Variants in VPS13B observed in about 807,000 individuals in gnomAD.
The protein encoded by VPS13B is intermembrane lipid transfer protein VPS13B.
VPS13B carries 285 observed loss-of-function variants against 426.4 expected under a neutral mutation model. That is an observed-to-expected ratio of 0.67 (90% CI 0.61 to 0.74). The LOEUF (loss-of-function observed/expected upper bound fraction) is 0.74. VPS13B is among the 30% of genes least tolerant of loss of function. The probability of loss-of-function intolerance (pLI) is 0.00; values close to 1 mark genes in which losing one functional copy is unlikely to be tolerated. For missense variants in VPS13B, 4,537 were observed against 4,782.6 expected (o/e 0.95, Z 1.51); for synonymous variants, 1,676 against 1,676.4 (o/e 1.00, Z 0.01).
chr8:99,567,479 G>GTTT (rs200194869), intron 31 of VPS13B, among the ~76,000 whole-genome samples: 53 of 131,884 alleles, frequency 4.0e-4, no homozygotes, highest in East Asian at 3.6e-3. Flanking sequence ...TTTTGTTGGT[G>GTTT]TTTTTTTTTT....
intron 19 of VPS13B, among the ~76,000 whole-genome samples, chr8:99,350,007 A>G (rs1341325754): frequency 2.6e-5 from 4 of 152,184 alleles, no homozygotes; most frequent in Admixed American, 6.5e-5. Flanking sequence ...CACAGAAGAG[A>G]GATACATCAG....
chr8:99,363,288 T>C (rs1488753759), intron 19 of VPS13B, among the ~76,000 whole-genome samples: 2 of 152,222 alleles, frequency 1.3e-5, no homozygotes, highest in African/African-American at 4.8e-5. Context: ...ATATGTGTTC[T>C]TGGCACCGTT....
At chr8:99,280,824 C>T (rs1022792372) in intron 19 of VPS13B, among the ~76,000 whole-genome samples, 2 of 152,140 alleles carry the variant, frequency 1.3e-5, no homozygotes, top group Non-Finnish European at 1.5e-5. Flanking sequence ...TGAAATATAC[C>T]TGACAACACA....
At position 99,861,817 on chromosome 8, in the gene VPS13B, C is replaced by T. The variant is rs147891367; in HGVS notation, c.11086C>T (p.Arg3696Trp). ...SITNLATSLA[R>W]NMDRLSLDEE... Reference sequence around the variant, plus strand: ...CACCAACCTCGCCACAAGCCTGGCCCGGAACATGGACCGGCTCTCACTGGA... The same window carrying T: ...CACCAACCTCGCCACAAGCCTGGCCTGGAACATGGACCGGCTCTCACTGGA... The change falls in exon 58 of 62, where the codon CGG becomes TGG. Residue 3696 changes from arginine to tryptophan, a missense_variant. Around this residue, in one of 2 missense-constraint regions of VPS13B, gnomAD observed 4,311 missense variants for 4,474.3 expected, o/e 0.96. Transcript: ENST00000357162. 7.5e-6 allele frequency: 12 copies of T among 1,598,706 alleles called. No individual in the cohort carries two copies. The highest frequency in any genetic ancestry group is 2.7e-5 in the African/African-American group (2 of 74,764).
At chr8:99,176,823 C>T (rs1812657986) in intron 16 of VPS13B, among the ~76,000 whole-genome samples, 1 of 152,108 alleles carries the variant, frequency 6.6e-6, no homozygotes, top group Non-Finnish European at 1.5e-5. Context: ...TATGTGACAA[C>T]TTAAAGCAAA....
intron 2 of VPS13B, among the ~76,000 whole-genome samples, chr8:99,029,316 C>A (rs2132183996): frequency 6.6e-6 from 1 of 151,358 alleles, no homozygotes; most frequent in Non-Finnish European, 1.5e-5. Flanking sequence ...GCAGAGGGCT[C>A]CTCACATCCC....
At chr8:99,621,470 A>T (rs995258172) in intron 33 of VPS13B, among the ~76,000 whole-genome samples, 1 of 151,954 alleles carries the variant, frequency 6.6e-6, no homozygotes, top group African/African-American at 2.4e-5. Flanking sequence ...CTCTGTTTTG[A>T]CCCTAGCACT....
At chr8:99,538,458 A>G (rs1823377912) in intron 30 of VPS13B, among the ~76,000 whole-genome samples, 1 of 152,086 alleles carries the variant, frequency 6.6e-6, no homozygotes, top group African/African-American at 2.4e-5. Flanking sequence ...AGCACTTGAC[A>G]ATTTGACAAT....
At chr8:99,521,320 G>T (rs542959050) in intron 30 of VPS13B, among the ~76,000 whole-genome samples, 1 of 152,240 alleles carries the variant, frequency 6.6e-6, no homozygotes, top group Non-Finnish European at 1.5e-5. Flanking sequence ...AGAAAACGAG[G>T]TCCTCTGTAG....
chr8:99,821,522 C>T lies in VPS13B; in HGVS notation c.9183+40C>T, dbSNP rs541561172. The stretch of plus-strand genomic sequence containing the variant: ...TATGTGGCTGGGAGGAAATAGCATG[C>T]CATCCCCTTAACCTGTCTAAAATGA... On this transcript the variant is annotated intron_variant, in intron 50 of 61. Transcript: ENST00000357162. 12 of 1,608,564 alleles carry T rather than the reference C, an allele frequency of 7.5e-6. No individual in the cohort carries two copies. In the Admixed American group the frequency reaches 1.7e-4, roughly 22 times the overall value.
At chr8:99,427,646 C>G (rs1361552422) in intron 21 of VPS13B, among the ~76,000 whole-genome samples, 1 of 151,872 alleles carries the variant, frequency 6.6e-6, no homozygotes, top group East Asian at 1.9e-4. Context: ...AGGATACAAA[C>G]AAATGGAAGA....
Position 99,507,786 on chromosome 8 carries a change from T to G in VPS13B, c.4224+583T>G. The G allele has an allele frequency of 6.2e-7, 1 of 1,614,010 alleles. No individual in the cohort carries two copies. Among genetic ancestry groups the G allele is most frequent in the African/African-American group, 1.3e-5 (1 of 75,048 alleles). On this transcript the variant is annotated intron_variant, in intron 28 of 61. Coordinates refer to ENST00000357162, the MANE Select transcript of VPS13B (RefSeq NM_152564.5). ...CACTTCAAGCCTTGGGGAAGAGTGT[T>G]GGTCTTTGGGGCAATGTGGAGGTGT...
At position 99,511,814 on chromosome 8, in the gene VPS13B, G is replaced by A. The variant is rs16897410; in HGVS notation, c.4633+302G>A. ...TTGTTTTACTAAACTCAAATGTTGT[G>A]TTCTGTGTATCTAAGAGAACTAAAA... On this transcript the variant is annotated intron_variant, in intron 29 of 61. Transcript: ENST00000357162. Among the ~76,000 whole-genome samples the A allele has an allele frequency of 0.069, 10,535 of 152,182 alleles. 550 individuals are homozygous for A. The highest frequency in any genetic ancestry group is 0.14 in the African/African-American group (5,824 of 41,492).
At chr8:99,433,775 C>T (rs1000596913) in intron 22 of VPS13B, among the ~76,000 whole-genome samples, 2 of 148,470 alleles carry the variant, frequency 1.3e-5, no homozygotes, top group Non-Finnish European at 3.0e-5. Context: ...CTGTTAGCTT[C>T]TTTCCTCTTC....
chr8:99,025,595 T>C (rs1842093557), intron 2 of VPS13B, among the ~76,000 whole-genome samples: 1 of 152,178 alleles, frequency 6.6e-6, no homozygotes, highest in African/African-American at 2.4e-5. Context: ...TTAGGAAGGA[T>C]TTTCTATCCT....
intron 19 of VPS13B, among the ~76,000 whole-genome samples, chr8:99,317,592 G>A (rs1809742174): frequency 2.0e-5 from 3 of 151,892 alleles, no homozygotes; most frequent in South Asian, 2.1e-4. Flanking sequence ...AATCCTCTGG[G>A]TAACCATTCC....
intron 19 of VPS13B, among the ~76,000 whole-genome samples, chr8:99,321,216 T>C (rs1046539069): frequency 1.4e-5 from 2 of 146,782 alleles, no homozygotes; most frequent in African/African-American, 2.5e-5. Flanking sequence ...TTTTCTTTTT[T>C]TTTTTTTTTT....
Position 99,121,431 on chromosome 8 carries a change from A to T in VPS13B, c.1192A>T (p.Thr398Ser). 1 of 1,614,230 alleles carries T rather than the reference A, an allele frequency of 6.2e-7. No individual in the cohort carries two copies. The change falls in exon 8 of 62, where the codon ACG becomes TCG. Residue 398 changes from threonine to serine, a missense_variant. Physicochemically the swap from Thr to Ser is moderately conservative, Grantham distance 58 (BLOSUM62 1). Around this residue, in one of 2 missense-constraint regions of VPS13B, gnomAD observed 4,311 missense variants for 4,474.3 expected, o/e 0.96. Transcript: ENST00000357162. Reference protein sequence around the residue: ...VSIGFYCTKATVTFKLTEMQV... With the variant: ...VSIGFYCTKASVTFKLTEMQV... The stretch of plus-strand genomic sequence containing the variant: ...TATAGGATTTTATTGCACAAAGGCA[A>T]CGGTGACTTTCAAAGTAGGTCTTTT...
Position 99,820,053 on chromosome 8 carries a change from G to A in VPS13B, c.8925G>A (p.Trp2975Ter). ...LLINESKWDL[W>*]LFEGEKIVLQ... ...TCAATGAATCCAAATGGGACCTCTG[G>A]CTATTTGAAGGAGAGAAAATTGTTC... Residue 2975 changes from tryptophan (W) to a stop codon, truncating the protein, a stop_gained, in exon 49 of 62, where the codon TGG becomes TGA. Transcript: ENST00000357162. LOFTEE classifies it high-confidence loss of function. The A allele has an allele frequency of 6.2e-7, 1 of 1,613,924 alleles. No individual in the cohort carries two copies. Among genetic ancestry groups the A allele is most frequent in the Non-Finnish European group, 8.5e-7 (1 of 1,179,866 alleles).
Sources: allele counts gnomAD v4.1 joint callset (sites outside exome capture counted in the v4.1 genomes callset), GRCh38; gene constraint gnomAD v4.1.1; regional missense constraint gnomAD v4.1.1; transcripts MANE v1.5; gene names NCBI Gene and HGNC (gene_info 2026-07-23, HGNC 2026-07-21).